Variants in PCDH15 observed in about 807,000 individuals in gnomAD.
The protein encoded by PCDH15 is protocadherin-15.
A neutral mutation model predicts 178.5 loss-of-function variants in PCDH15; 129 were observed. The observed-to-expected ratio is 0.72, with a 90% confidence interval of 0.63 to 0.84. The LOEUF (loss-of-function observed/expected upper bound fraction) is 0.84, where lower values mean the gene tolerates loss of function less well. Ranked by LOEUF, PCDH15 falls within the 40% of genes least tolerant of loss-of-function variation. PCDH15 has a pLI of 0.00. For missense variants in PCDH15, 2,230 were observed against 2,099.9 expected (o/e 1.06, Z -1.21); for synonymous variants, 800 against 732.0 (o/e 1.09, Z -1.50).
chr10:54,998,917 G>A (rs981210541), intron 2 of PCDH15, among the ~76,000 whole-genome samples: 4 of 152,146 alleles, frequency 2.6e-5, no homozygotes, highest in Non-Finnish European at 5.9e-5. Context: ...GTCCTGGATA[G>A]CACTGTAGCC....
At chr10:55,529,897 C>T (rs1841412303) in intron 2 of PCDH15, among the ~76,000 whole-genome samples, 2 of 150,356 alleles carry the variant, frequency 1.3e-5, no homozygotes, top group South Asian at 4.2e-4. Context: ...TACGTTAATG[C>T]TCCTCAAAGT....
chr10:55,172,680 C>T (rs1440999451), intron 1 of PCDH15, among the ~76,000 whole-genome samples: 1 of 151,892 alleles, frequency 6.6e-6, no homozygotes, highest in Non-Finnish European at 1.5e-5. Flanking sequence ...AGAGTTCACA[C>T]AGAACACACT....
intron 2 of PCDH15, among the ~76,000 whole-genome samples, chr10:54,976,156 G>T (rs1307898036): frequency 6.6e-6 from 1 of 152,062 alleles, no homozygotes; most frequent in South Asian, 2.1e-4. Context: ...GATATTTGAG[G>T]AATTAGAGTA....
intron 2 of PCDH15, among the ~76,000 whole-genome samples, chr10:54,643,201 A>G (rs1161841823): frequency 6.6e-6 from 1 of 152,240 alleles, no homozygotes; most frequent in East Asian, 1.9e-4. Flanking sequence ...CTGGGATTAC[A>G]GGTGTGAGCC....
chr10:54,434,762 T>C (rs1012153298), intron 3 of PCDH15, among the ~76,000 whole-genome samples: 4 of 152,272 alleles, frequency 2.6e-5, no homozygotes, highest in Middle Eastern at 3.4e-3. Flanking sequence ...TAGAACAAAA[T>C]TGGATGATGA....
intron 2 of PCDH15, among the ~76,000 whole-genome samples, chr10:55,465,463 C>A (rs927157150): frequency 4.8e-4 from 73 of 152,040 alleles, no homozygotes; most frequent in African/African-American, 1.8e-3. Context: ...GCAACTAGGA[C>A]CAATGGCAGA....
intron 31 of PCDH15, among the ~76,000 whole-genome samples, chr10:53,828,207 CAAAAAAAAAAAAAAAAAA>C (rs71004480): frequency 1.1e-4 from 6 of 53,754 alleles, no homozygotes; most frequent in African/African-American, 2.9e-4. Flanking sequence ...AAGTCCGTCT[CAAAAAAAAAAAAAAAAAA>C]AAAAAAAAAA....
At chr10:55,605,122 A>G (rs928047674) in intron 2 of PCDH15, among the ~76,000 whole-genome samples, 18 of 151,294 alleles carry the variant, frequency 1.2e-4, no homozygotes, top group Non-Finnish European at 1.9e-4. Flanking sequence ...AAACACCTCT[A>G]CGCAAATAAA....
chr10:54,264,436 A>G (rs1057155669), intron 8 of PCDH15, among the ~76,000 whole-genome samples: 18 of 152,298 alleles, frequency 1.2e-4, no homozygotes, highest in African/African-American at 3.8e-4. Context: ...GTCTGAAATG[A>G]GAGACATAGA....
chr10:55,284,418 TA>T lies in PCDH15; in HGVS notation c.-156+35180del, dbSNP rs564400103. On this transcript the variant is annotated intron_variant, in intron 1 of 5. Coordinates refer to the PCDH15 transcript ENST00000458638. ...AGTGTTTTCACAGGGATTTGAAAAT[TA>T]AAAAAATAAGTGAGGGTATGTATCA... is the stretch of plus-strand genomic sequence containing the variant. 5.1e-4 allele frequency among the ~76,000 whole-genome samples: 78 copies of T among 152,102 alleles called. No homozygotes were observed. In the South Asian group the frequency reaches 7.9e-3, roughly 15 times the overall value.
At chr10:54,200,521 A>G (rs2133972448) in intron 10 of PCDH15, among the ~76,000 whole-genome samples, 1 of 151,900 alleles carries the variant, frequency 6.6e-6, no homozygotes, top group Admixed American at 6.6e-5. Flanking sequence ...GCAAGTGCTC[A>G]CCTTCATCTG....
At chr10:53,890,090 G>T (rs10825152) in intron 26 of PCDH15, among the ~76,000 whole-genome samples, 99,237 of 152,014 alleles carry the variant, frequency 0.65, 33,399 homozygotes, top group East Asian at 0.88. Flanking sequence ...TGCATATGCA[G>T]GTTGCATTAT....
Position 55,081,449 on chromosome 10 carries a change from G to A in PCDH15, c.-80+85127C>T, listed in dbSNP as rs548806747. Among the ~76,000 whole-genome samples, 7 of 152,210 alleles carry A rather than the reference G, an allele frequency of 4.6e-5. No homozygotes were observed. In the East Asian group the frequency reaches 5.8e-4, roughly 13 times the overall value. On this transcript the variant is annotated intron_variant, in intron 2 of 5. Transcript: ENST00000458638. ...CTATTACCATTACCTTGGGAGGTAG[G>A]ATTTCAAGATATAAACTTTGGAGTA...
intron 28 of PCDH15, among the ~76,000 whole-genome samples, chr10:53,855,904 G>GTGTATATATA (rs1554832765): frequency 1.8e-5 from 2 of 109,690 alleles, no homozygotes; most frequent in African/African-American, 7.6e-5. Flanking sequence ...AAGGTGATAT[G>GTGTATATATA]TATATATATA....
chr10:54,703,776 T>C lies in PCDH15; in HGVS notation c.-28-39486A>G, dbSNP rs367634930. 1.0e-3 allele frequency among the ~76,000 whole-genome samples: 155 copies of C among 152,008 alleles called. 4 individuals carry two copies. The South Asian group carries it at 0.031, about 30-fold the overall frequency. The stretch of plus-strand genomic sequence containing the variant: ...CATACTCATATATAGCAAGAATCAA[T>C]ACTGTAAAAAGTGCAATACTTCCCA... On this transcript the variant is annotated intron_variant, in intron 1 of 37. Coordinates refer to ENST00000644397, the MANE Select transcript of PCDH15 (RefSeq NM_001384140.1).
At position 54,284,242 on chromosome 10, in the gene PCDH15, C is replaced by T. The variant is rs114900459; in HGVS notation, c.876+33029G>A. 4.4e-3 allele frequency among the ~76,000 whole-genome samples: 665 copies of T among 152,234 alleles called. 9 individuals are homozygous for T. Among genetic ancestry groups the T allele is most frequent in the African/African-American group, 0.013 (532 of 41,546 alleles). ...AGGAGTGGATGTAGGTATGTATCTA[C>T]GCATGGATGTCTGTTAATTTTGTTT... On this transcript the variant is annotated intron_variant, in intron 8 of 37. Coordinates refer to ENST00000644397, the MANE Select transcript of PCDH15 (RefSeq NM_001384140.1).
intron 2 of PCDH15, among the ~76,000 whole-genome samples, chr10:54,922,697 C>T (rs1189771808): frequency 6.6e-6 from 1 of 152,050 alleles, no homozygotes; most frequent in Non-Finnish European, 1.5e-5. Flanking sequence ...TTTGACACCA[C>T]AATCTTCTTT....
chr10:54,954,794 A>G (rs1208288122), intron 2 of PCDH15, among the ~76,000 whole-genome samples: 1 of 151,298 alleles, frequency 6.6e-6, no homozygotes, highest in Non-Finnish European at 1.5e-5. Flanking sequence ...TGTTGGGACT[A>G]TAAAGAAGGA....
intron 1 of PCDH15, among the ~76,000 whole-genome samples, chr10:55,318,111 T>C (rs1187593044): frequency 1.3e-5 from 2 of 152,100 alleles, no homozygotes; most frequent in East Asian, 1.9e-4. Context: ...TTGGTACTGA[T>C]GGAGCAAAAT....
Sources: gnomAD v4.1 joint callset for allele counts (sites outside exome capture counted in the v4.1 genomes callset) on GRCh38, gnomAD v4.1.1 for gene constraint, MANE v1.5 for transcripts, NCBI Gene and HGNC (gene_info 2026-07-23, HGNC 2026-07-21) for gene names.